Variants in EPB41 observed in about 807,000 individuals in gnomAD.
EPB41 encodes protein 4.1.
Under a neutral mutation model 108.0 loss-of-function variants are expected in EPB41, and 65 were observed. The ratio of observed to expected loss-of-function variants is 0.60; its 90% CI spans 0.49 to 0.74. EPB41 has a LOEUF of 0.74. Among genes scored for constraint, EPB41 ranks in the 30% least tolerant of loss-of-function variants. The probability of loss-of-function intolerance (pLI) is 0.00; values close to 1 mark genes in which losing one functional copy is unlikely to be tolerated. For missense variants in EPB41, 875 were observed against 1,037.0 expected (o/e 0.84, Z 2.15); for synonymous variants, 336 against 358.9 (o/e 0.94, Z 0.72).
At chr1:29,070,117 AG>A in intron 16 of EPB41, 1 of 340,664 alleles carries the variant, frequency 2.9e-6, no homozygotes, top group Non-Finnish European at 5.3e-6. Flanking sequence ...GCAAGGGGAA[AG>A]CCAGTGATTC....
intron 11 of EPB41, among the ~76,000 whole-genome samples, chr1:29,049,657 G>A (rs997204521): frequency 6.6e-6 from 1 of 152,132 alleles, no homozygotes; most frequent in Non-Finnish European, 1.5e-5. Context: ...AGAAGTAGAA[G>A]TTGTTTGCCT....
rs1424204284 is a variant in EPB41 at position 29,060,250 on chromosome 1, G to C, written c.1945-172G>C. Among the ~76,000 whole-genome samples the C allele has an allele frequency of 3.9e-5, 6 of 152,120 alleles. No homozygotes were observed. The East Asian group carries it at 1.2e-3, about 29-fold the overall frequency. On this transcript the variant is annotated intron_variant, in intron 14 of 20. Transcript: ENST00000343067. ...TGAAAAAGGTCATCATTTTCTTGTGGTAATCATGTTCTGTGTCCGTGTGAC... is the reference window on the plus strand; with the variant it reads ...TGAAAAAGGTCATCATTTTCTTGTGCTAATCATGTTCTGTGTCCGTGTGAC...
In EPB41 at chr1:29,099,062, A is replaced by G. The variant is rs191878950; in HGVS notation, c.2313+1127A>G. ...AGTGGCTCACGCCTGTAATACCAGCACTTTGGGAGGCCGAGGCGGGCAGAT... is the reference window on the plus strand; with the variant it reads ...AGTGGCTCACGCCTGTAATACCAGCGCTTTGGGAGGCCGAGGCGGGCAGAT... On this transcript the variant is annotated intron_variant, in intron 17 of 20. Transcript: ENST00000343067. 4.3e-3 allele frequency among the ~76,000 whole-genome samples: 646 copies of G among 148,898 alleles called. 4 individuals carry two copies. The highest frequency in any genetic ancestry group is 0.015 in the African/African-American group (589 of 40,602).
chr1:28,950,198 C>T (rs2094657908), intron 1 of EPB41, among the ~76,000 whole-genome samples: 1 of 152,148 alleles, frequency 6.6e-6, no homozygotes, highest in Non-Finnish European at 1.5e-5. Flanking sequence ...TCATAGAGTA[C>T]ATGTTCAGCC....
At chr1:29,012,047 C>T in intron 5 of EPB41, 140 bp downstream of exon 5, 1 of 852,440 alleles carries the variant, frequency 1.2e-6, no homozygotes, top group Non-Finnish European at 1.9e-6. Flanking sequence ...AAGCCTTCTC[C>T]TGGAAGGAGG....
At chr1:28,957,478 C>T (rs908316695) in intron 1 of EPB41, among the ~76,000 whole-genome samples, 14 of 152,296 alleles carry the variant, frequency 9.2e-5, no homozygotes, top group African/African-American at 3.4e-4. Flanking sequence ...AGTCTTGGCT[C>T]ATTGCAACCT....
At chr1:28,948,932 G>A (rs369194405) in intron 1 of EPB41, among the ~76,000 whole-genome samples, 184 of 152,068 alleles carry the variant, frequency 1.2e-3, no homozygotes, top group Middle Eastern at 3.4e-3. Context: ...CCTGGGTGAC[G>A]GAGCGAGACT....
At chr1:28,899,025 A>G (rs2091008948) in intron 1 of EPB41, among the ~76,000 whole-genome samples, 1 of 152,168 alleles carries the variant, frequency 6.6e-6, no homozygotes, top group African/African-American at 2.4e-5. Context: ...AACAGACGCT[A>G]GCCACCAAGT....
intron 1 of EPB41, among the ~76,000 whole-genome samples, chr1:28,900,034 T>C (rs924678042): frequency 2.6e-5 from 4 of 152,356 alleles, no homozygotes; most frequent in Middle Eastern, 3.4e-3. Flanking sequence ...ACTCAGTCCG[T>C]AGCTGACAGA....
rs527487140 is a variant in EPB41, at chr1:29,097,884, C to T, written c.2262C>T (p.Asp754=). 3.1e-6 allele frequency: 5 copies of T among 1,614,008 alleles called. No individual in the cohort carries two copies. The African/African-American group carries it at 4.0e-5, about 13-fold the overall frequency. Residue 754 remains aspartate (D), a synonymous_variant, in exon 17 of 21, where the codon GAC becomes GAT. Transcript: ENST00000343067. The part of the protein sequence containing the change: ...NAVKSEIPTK[D]VPIVHTETKT... ...TGAAAAGTGAAATCCCAACCAAAGA[C>T]GTCCCTATTGTCCACACTGAGACCA...
chr1:29,024,196 AT>A (rs1452038545), intron 7 of EPB41, among the ~76,000 whole-genome samples: 6 of 151,544 alleles, frequency 4.0e-5, no homozygotes, highest in Admixed American at 3.9e-4. Context: ...TTAGCTGGGC[AT>A]GGTGGCGCGC....
chr1:29,039,472 G>T, intron 11 of EPB41, 46 bp downstream of exon 11: 1 of 1,608,608 alleles, frequency 6.2e-7, no homozygotes, highest in Non-Finnish European at 8.5e-7. Context: ...AATTCATTTG[G>T]AAAGATAAAG....
At chr1:28,891,283 T>C (rs1336337797) in intron 1 of EPB41, among the ~76,000 whole-genome samples, 1 of 152,226 alleles carries the variant, frequency 6.6e-6, no homozygotes, top group Non-Finnish European at 1.5e-5. Flanking sequence ...TGACAGTGAC[T>C]GAGTCTGTGA....
At chr1:29,092,517 T>C (rs1661639215) in intron 16 of EPB41, among the ~76,000 whole-genome samples, 1 of 152,246 alleles carries the variant, frequency 6.6e-6, no homozygotes, top group Non-Finnish European at 1.5e-5. Flanking sequence ...AGATGTCACT[T>C]GCCATAACAT....
intron 1 of EPB41, among the ~76,000 whole-genome samples, chr1:28,952,910 G>A (rs1002996121): frequency 1.6e-4 from 25 of 152,230 alleles, no homozygotes; most frequent in East Asian, 1.5e-3. Context: ...TTGTATTTTA[G>A]TAGAGATGGG....
chr1:29,007,285 A>T (rs1024982345), intron 4 of EPB41, among the ~76,000 whole-genome samples: 3 of 152,090 alleles, frequency 2.0e-5, no homozygotes, highest in African/African-American at 7.2e-5. Flanking sequence ...TCTACTACTG[A>T]TAGACATTTG....
In EPB41 at chr1:29,039,419, C is replaced by T. The variant is rs533713121; in HGVS notation, c.1629C>T (p.Leu543=). Residue 543 remains leucine, a synonymous_variant, in exon 11 of 21, where the codon CTC becomes CTT. Transcript: ENST00000343067. ...CAAGTAAACGGGCGTCCCGGAGCCT[C>T]GATGGAGGTTTGTATTGAATATTAA... is the stretch of plus-strand genomic sequence containing the variant. The part of the protein sequence containing the change: ...RTASKRASRS[L]DGAAAVDSAD... 2.5e-4 allele frequency: 405 copies of T among 1,613,726 alleles called. 9 individuals carry two copies. In the South Asian group the frequency reaches 3.9e-3, roughly 16 times the overall value.
At chr1:28,950,729 A>T (rs2094684842) in intron 1 of EPB41, among the ~76,000 whole-genome samples, 2 of 152,228 alleles carry the variant, frequency 1.3e-5, no homozygotes, top group Admixed American at 6.5e-5. Flanking sequence ...CCATATAATT[A>T]AGAGCAGATT....
chr1:28,999,778 A>G (rs571769939), intron 4 of EPB41, among the ~76,000 whole-genome samples: 10 of 152,044 alleles, frequency 6.6e-5, no homozygotes, highest in African/African-American at 1.7e-4. Context: ...TATTTTCTTT[A>G]TAGTGGTTTT....
Sources: gnomAD v4.1 joint callset for allele counts (sites outside exome capture counted in the v4.1 genomes callset) on GRCh38, gnomAD v4.1.1 for gene constraint, MANE v1.5 for transcripts, NCBI Gene and HGNC (gene_info 2026-07-23, HGNC 2026-07-21) for gene names.